SLC24A2: variants seen among roughly 807,000 people sequenced by gnomAD.
The protein encoded by SLC24A2 is solute carrier family 24 member 2, also known as sodium/potassium/calcium exchanger 2.
In SLC24A2, 36 loss-of-function variants were observed where a neutral mutation model predicts 62.0. That is an observed-to-expected ratio of 0.58 (90% CI 0.44 to 0.77). SLC24A2 has a LOEUF of 0.77. Among genes scored for constraint, SLC24A2 ranks in the 30% least tolerant of loss-of-function variants. The pLI is 0.00. For missense variants in SLC24A2, 846 were observed against 817.9 expected (o/e 1.03, Z -0.42); for synonymous variants, 358 against 294.0 (o/e 1.22, Z -2.23).
the SLC24A2 span, among the ~76,000 whole-genome samples, chr9:20,249,479 G>T: frequency 1.3e-5 from 2 of 152,082 alleles, no homozygotes; most frequent in African/African-American, 4.8e-5. Context: ...ACCAAGGCGG[G>T]TGGATCACCT....
At chr9:19,789,061 C>G (rs372358142), upstream of SLC24A2, among the ~76,000 whole-genome samples, 23 of 152,262 alleles carry the variant, frequency 1.5e-4, no homozygotes, top group African/African-American at 4.1e-4. Context: ...CCCGGCGCTC[C>G]GAGTCTGGCG....
At chr9:19,731,623 T>C (rs1821341122) in intron 2 of SLC24A2, among the ~76,000 whole-genome samples, 1 of 152,024 alleles carries the variant, frequency 6.6e-6, no homozygotes, top group African/African-American at 2.4e-5. Context: ...ACCAAATCAG[T>C]GGATACCTTG....
At chr9:19,743,857 AC>A (rs1464604051) in intron 2 of SLC24A2, among the ~76,000 whole-genome samples, 1 of 152,090 alleles carries the variant, frequency 6.6e-6, no homozygotes, top group Non-Finnish European at 1.5e-5. Flanking sequence ...ATGGACGGGT[AC>A]CTGGTTTTGG....
At chr9:19,728,587 C>T (rs1461205733) in intron 2 of SLC24A2, among the ~76,000 whole-genome samples, 1 of 152,098 alleles carries the variant, frequency 6.6e-6, no homozygotes, top group Non-Finnish European at 1.5e-5. Context: ...GGTCTCAACT[C>T]TGGTGGGGAG....
chr9:19,518,835 A>T (rs536623169), intron 10 of SLC24A2, among the ~76,000 whole-genome samples: 2 of 152,338 alleles, frequency 1.3e-5, no homozygotes, highest in South Asian at 4.1e-4. Context: ...GACATCACTC[A>T]GTATATTGTC....
the SLC24A2 span, among the ~76,000 whole-genome samples, chr9:20,043,755 T>C: frequency 2.0e-5 from 3 of 152,224 alleles, no homozygotes; most frequent in African/African-American, 7.2e-5. Context: ...GGAAAGAAAG[T>C]AGTTTATTGA....
At chr9:20,203,720 C>A in the SLC24A2 span, among the ~76,000 whole-genome samples, 5 of 151,854 alleles carry the variant, frequency 3.3e-5, no homozygotes, top group African/African-American at 1.2e-4. Context: ...AAAGAAGAAG[C>A]AGCAGCAGCA....
chr9:19,706,262 C>A (rs1820512602), intron 2 of SLC24A2, among the ~76,000 whole-genome samples: 1 of 151,518 alleles, frequency 6.6e-6, no homozygotes, highest in Non-Finnish European at 1.5e-5. Context: ...CAACCCCTGC[C>A]TTTTTTTGTT....
At chr9:19,895,669 C>A in the SLC24A2 span, 6 of 715,290 alleles carry the variant, frequency 8.4e-6, no homozygotes, top group East Asian at 1.4e-4. Context: ...CCTGCAGGCT[C>A]CTGCCTTCCT....
intron 2 of SLC24A2, among the ~76,000 whole-genome samples, chr9:19,741,739 T>C (rs944696655): frequency 6.6e-6 from 1 of 152,194 alleles, no homozygotes; most frequent in Non-Finnish European, 1.5e-5. Context: ...CCAAGAGTTA[T>C]ATACTCTGTC....
At chr9:20,164,091 A>G in the SLC24A2 span, among the ~76,000 whole-genome samples, 1 of 152,196 alleles carries the variant, frequency 6.6e-6, no homozygotes, top group Non-Finnish European at 1.5e-5. Flanking sequence ...TCATGTCTAA[A>G]ATACCAAAAG....
chr9:20,041,322 A>G, the SLC24A2 span, among the ~76,000 whole-genome samples: 3 of 152,254 alleles, frequency 2.0e-5, no homozygotes, highest in Non-Finnish European at 4.4e-5. Flanking sequence ...AGGAAGTGTC[A>G]GTCCTCCAAG....
At chr9:19,847,958 A>G in the SLC24A2 span, among the ~76,000 whole-genome samples, 1 of 152,176 alleles carries the variant, frequency 6.6e-6, no homozygotes, top group South Asian at 2.1e-4. Flanking sequence ...GGTTCATCCC[A>G]GCTTTGAATC....
the SLC24A2 span, among the ~76,000 whole-genome samples, chr9:19,887,940 G>A: frequency 6.6e-6 from 1 of 152,154 alleles, no homozygotes; most frequent in South Asian, 2.1e-4. Context: ...CTCATAAGTG[G>A]GAGCTAAGGT....
intron 5 of SLC24A2, 42 bp from the exon 6 acceptor site, chr9:19,577,064 A>G: frequency 6.5e-7 from 1 of 1,529,780 alleles, no homozygotes; most frequent in East Asian, 2.2e-5. Context: ...ACAATGAGAA[A>G]GAAGAGAGTC....
the SLC24A2 span, among the ~76,000 whole-genome samples, chr9:19,832,428 A>G: frequency 0.021 from 3,162 of 152,314 alleles, 35 homozygotes; most frequent in Middle Eastern, 0.037. Flanking sequence ...TGATCAACCA[A>G]GTCATGTTGT....
chr9:19,822,605 A>T, the SLC24A2 span, among the ~76,000 whole-genome samples: 3 of 152,160 alleles, frequency 2.0e-5, no homozygotes, highest in Non-Finnish European at 4.4e-5. Context: ...TGCACCAAAA[A>T]ACTGGCTAGG....
the SLC24A2 span, among the ~76,000 whole-genome samples, chr9:20,097,902 C>G: frequency 6.6e-6 from 1 of 151,492 alleles, no homozygotes; most frequent in Non-Finnish European, 1.5e-5. Flanking sequence ...GACACCACGC[C>G]GGGCTAATTT....
At chr9:19,889,128 C>T in the SLC24A2 span, among the ~76,000 whole-genome samples, 1 of 151,964 alleles carries the variant, frequency 6.6e-6, no homozygotes, top group African/African-American at 2.4e-5. Flanking sequence ...ACCTTGGCTG[C>T]TGCTTCTCTT....
Sources: gnomAD v4.1 joint callset for allele counts (sites outside exome capture counted in the v4.1 genomes callset) on GRCh38, gnomAD v4.1.1 for gene constraint, MANE v1.5 for transcripts, NCBI Gene and HGNC (gene_info 2026-07-23, HGNC 2026-07-21) for gene names.